ADAMTS6: variants seen among roughly 807,000 people sequenced by gnomAD.
The protein encoded by ADAMTS6 is ADAM metallopeptidase with thrombospondin type 1 motif 6, also known as A disintegrin and metalloproteinase with thrombospondin motifs 6.
In ADAMTS6, 23 loss-of-function variants were observed where a neutral mutation model predicts 144.3. The ratio of observed to expected loss-of-function variants is 0.16; its 90% CI spans 0.11 to 0.23. The LOEUF (loss-of-function observed/expected upper bound fraction) is 0.23, where lower values mean the gene tolerates loss of function less well. ADAMTS6 is among the 10% of genes least tolerant of loss of function. The pLI is 1.00. For missense variants in ADAMTS6, 999 were observed against 1,379.6 expected (o/e 0.72, Z 4.37); for synonymous variants, 444 against 457.5 (o/e 0.97, Z 0.38).
At chr5:65,462,803 T>C (rs185379255) in intron 3 of ADAMTS6, among the ~76,000 whole-genome samples, 115 of 152,158 alleles carry the variant, frequency 7.6e-4, no homozygotes, top group African/African-American at 2.3e-3. Flanking sequence ...GCTAATTAGG[T>C]TGGCGTGGTG....
At chr5:65,237,567 A>C (rs918008397) in intron 15 of ADAMTS6, among the ~76,000 whole-genome samples, 1 of 152,118 alleles carries the variant, frequency 6.6e-6, no homozygotes, top group Non-Finnish European at 1.5e-5. Flanking sequence ...CAATCCTAAA[A>C]TTCTTTTAAA....
At chr5:65,230,596 G>T (rs193281103) in intron 15 of ADAMTS6, among the ~76,000 whole-genome samples, 23 of 83,312 alleles carry the variant, frequency 2.8e-4, no homozygotes, top group African/African-American at 7.4e-4. Context: ...TATAATACAT[G>T]ATATATATGA....
intron 7 of ADAMTS6, chr5:65,416,295 T>G (rs2367496): frequency 6.6e-6 from 1 of 152,668 alleles, no homozygotes; most frequent in Non-Finnish European, 1.5e-5. Flanking sequence ...CAATAACAAG[T>G]GTTGGTGATG....
intron 24 of ADAMTS6, among the ~76,000 whole-genome samples, chr5:65,157,325 C>T (rs1752488187): frequency 6.6e-6 from 1 of 152,182 alleles, no homozygotes; most frequent in Non-Finnish European, 1.5e-5. Flanking sequence ...TCAAAATATA[C>T]TGAATAGAGG....
intron 3 of ADAMTS6, among the ~76,000 whole-genome samples, chr5:65,461,589 C>T (rs1468384216): frequency 1.3e-5 from 2 of 152,110 alleles, no homozygotes; most frequent in East Asian, 3.8e-4. Flanking sequence ...AATAAAAACT[C>T]TCTGGGTGTA....
At chr5:65,380,408 C>A (rs571487488) in intron 7 of ADAMTS6, among the ~76,000 whole-genome samples, 18 of 151,778 alleles carry the variant, frequency 1.2e-4, no homozygotes, top group African/African-American at 4.3e-4. Flanking sequence ...TCCATCTCTA[C>A]TAAAAAAAAA....
intron 20 of ADAMTS6, among the ~76,000 whole-genome samples, chr5:65,208,218 TA>T (rs1184220489): frequency 6.6e-6 from 1 of 152,222 alleles, no homozygotes; most frequent in Non-Finnish European, 1.5e-5. Flanking sequence ...TTTTGAAGAC[TA>T]AAACTTTTAA....
chr5:65,448,608 A>G (rs1378849129), intron 7 of ADAMTS6, among the ~76,000 whole-genome samples: 5 of 151,776 alleles, frequency 3.3e-5, no homozygotes. Flanking sequence ...GCCCGCAACC[A>G]CGCCTGGCTA....
chr5:65,326,849 A>T (rs1392753354), intron 9 of ADAMTS6, among the ~76,000 whole-genome samples: 1 of 152,196 alleles, frequency 6.6e-6, no homozygotes, highest in Non-Finnish European at 1.5e-5. Flanking sequence ...AAACCCTAAG[A>T]TCTTAAAAGA....
intron 21 of ADAMTS6, among the ~76,000 whole-genome samples, chr5:65,192,792 G>C (rs184184431): frequency 7.6e-4 from 115 of 151,798 alleles, no homozygotes; most frequent in African/African-American, 2.7e-3. Context: ...CCCCAGCAAG[G>C]ACTCCTCTGG....
intron 7 of ADAMTS6, among the ~76,000 whole-genome samples, chr5:65,350,163 T>C (rs907051798): frequency 6.6e-6 from 1 of 152,208 alleles, no homozygotes; most frequent in African/African-American, 2.4e-5. Context: ...TTGTAAAGGA[T>C]GTCACACGTT....
intron 7 of ADAMTS6, among the ~76,000 whole-genome samples, chr5:65,338,389 T>C (rs938424731): frequency 6.6e-6 from 1 of 152,248 alleles, no homozygotes; most frequent in African/African-American, 2.4e-5. Flanking sequence ...GAGAATTTGG[T>C]TGAGACTGTA....
At chr5:65,262,591 A>G (rs1761295019) in intron 13 of ADAMTS6, among the ~76,000 whole-genome samples, 1 of 152,190 alleles carries the variant, frequency 6.6e-6, no homozygotes, top group Non-Finnish European at 1.5e-5. Context: ...GATACACAAT[A>G]CTTTCTATTT....
At chr5:65,333,997 T>TAAAAAAAAA (rs750637450) in intron 8 of ADAMTS6, 45 bp downstream of exon 8, 88 of 842,360 alleles carry the variant, frequency 1.0e-4, no homozygotes, top group African/African-American at 4.4e-4. Context: ...CTACCTTTAT[T>TAAAAAAAAA]AAAAAAAAAA....
chr5:65,291,354 G>C lies in ADAMTS6; in HGVS notation c.1487C>G (p.Ala496Gly). The change falls in exon 11 of 25, where the codon GCA becomes GGA. Residue 496 changes from alanine (A) to glycine (G), a missense_variant. Ala to Gly is a moderately conservative substitution (Grantham distance 60). This residue lies in a region of ADAMTS6 where 619 missense variants were observed against 837.0 expected (regional missense o/e 0.74). Transcript: ENST00000381055. ...ADEQCRFQYG[A>G]TSRQCKYGEV... ...CCCATATTTACATTGGCGGGAGGTT[G>C]CTCCATACTGGAAACGACATTGCTC... 1 of 1,613,740 alleles carries C rather than the reference G, an allele frequency of 6.2e-7. No homozygotes were observed. The highest frequency in any genetic ancestry group is 8.5e-7 in the Non-Finnish European group (1 of 1,179,810).
At chr5:65,309,581 C>T (rs1315268003) in intron 9 of ADAMTS6, among the ~76,000 whole-genome samples, 1 of 141,056 alleles carries the variant, frequency 7.1e-6, no homozygotes, top group African/African-American at 3.0e-5. Context: ...GTTGGGGACC[C>T]CTGTTATAAT....
At chr5:65,169,768 C>T (rs946843229) in intron 24 of ADAMTS6, among the ~76,000 whole-genome samples, 3 of 151,564 alleles carry the variant, frequency 2.0e-5, no homozygotes, top group African/African-American at 7.3e-5. Context: ...CCATCATTCT[C>T]AGTAAACTAT....
At chr5:65,243,288 G>A (rs1398053823) in intron 14 of ADAMTS6, among the ~76,000 whole-genome samples, 1 of 152,090 alleles carries the variant, frequency 6.6e-6, no homozygotes, top group Middle Eastern at 3.2e-3. Flanking sequence ...AGATCTCTGT[G>A]TTTGCTTTAT....
chr5:65,460,462 A>G, intron 3 of ADAMTS6, 124 bp from the exon 4 acceptor site: 1 of 870,740 alleles, frequency 1.1e-6, no homozygotes, highest in Non-Finnish European at 1.7e-6. Context: ...ACGTTAATAA[A>G]AAAATTAGCG....
Sources: gnomAD v4.1 joint callset for allele counts (sites outside exome capture counted in the v4.1 genomes callset) on GRCh38, gnomAD v4.1.1 for gene constraint, gnomAD v4.1.1 regional missense constraint, MANE v1.5 for transcripts, NCBI Gene and HGNC (gene_info 2026-07-23, HGNC 2026-07-21) for gene names.